Variants in CTDP1 observed in about 807,000 individuals in gnomAD.
CTDP1 encodes RNA polymerase II subunit A C-terminal domain phosphatase.
CTDP1 carries 47 observed loss-of-function variants against 91.8 expected under a neutral mutation model. The ratio of observed to expected loss-of-function variants is 0.51; its 90% CI spans 0.41 to 0.65. CTDP1 has a LOEUF of 0.65. Among genes scored for constraint, CTDP1 ranks in the 30% least tolerant of loss-of-function variants. The pLI is 0.00. For missense variants in CTDP1, 1,272 were observed against 1,373.7 expected (o/e 0.93, Z 1.17); for synonymous variants, 656 against 598.5 (o/e 1.10, Z -1.40).
chr18:79,714,427 T>G, intron 7 of CTDP1, 64 bp from the exon 8 acceptor site: 1 of 1,577,124 alleles, frequency 6.3e-7, no homozygotes, highest in East Asian at 2.2e-5. Flanking sequence ...CTGCTTTAAC[T>G]TGGAACGTTA....
intron 12 of CTDP1, among the ~76,000 whole-genome samples, chr18:79,749,216 A>G (rs953532782): frequency 2.0e-5 from 3 of 152,192 alleles, no homozygotes; most frequent in Middle Eastern, 3.4e-3. Context: ...AAAGAAAAGA[A>G]TTGTTGGAAC....
chr18:79,712,137 G>C (rs998288940), intron 6 of CTDP1, among the ~76,000 whole-genome samples: 5 of 152,220 alleles, frequency 3.3e-5, no homozygotes, highest in Admixed American at 6.5e-5. Context: ...GGTGCTGTTA[G>C]TGTGTTACAG....
intron 10 of CTDP1, among the ~76,000 whole-genome samples, chr18:79,719,879 A>C (rs976559571): frequency 3.7e-5 from 5 of 134,686 alleles, no homozygotes; most frequent in African/African-American, 8.6e-5. Context: ...TCCCATTAGG[A>C]AGGTGTCCTG....
At position 79,685,014 on chromosome 18, in the gene CTDP1, AGG is replaced by A. The variant is rs1231077043; in HGVS notation, c.314+4755_314+4756del. Among the ~76,000 whole-genome samples, 225 of 151,334 alleles carry A rather than the reference AGG, an allele frequency of 1.5e-3. 10 individuals carry two copies. Among genetic ancestry groups the A allele is most frequent in the African/African-American group, 4.8e-3 (197 of 40,992 alleles). On this transcript the variant is annotated intron_variant, in intron 1 of 12. Coordinates refer to ENST00000613122, the MANE Select transcript of CTDP1 (RefSeq NM_004715.5). ...GAGGTCCTGGTGAGGAGGACGGTGC[AGG>A]GACCTCGTGGTCTCTACTCCCAGTT... is the stretch of plus-strand genomic sequence containing the variant.
chr18:79,680,412 A>C (rs2085336889), intron 1 of CTDP1, 151 bp downstream of exon 1: 4 of 581,878 alleles, frequency 6.9e-6, no homozygotes, highest in Admixed American at 9.0e-5. Flanking sequence ...CTCCCCTAAA[A>C]CTGGATAGTC....
intron 5 of CTDP1, 80 bp from the exon 6 acceptor site, chr18:79,710,266 A>T (rs978181884): frequency 2.6e-6 from 3 of 1,148,584 alleles, no homozygotes; most frequent in African/African-American, 3.0e-5. Context: ...CTTTAAAAAA[A>T]ACATTCAAGG....
intron 1 of CTDP1, 54 bp downstream of exon 1, chr18:79,680,315 C>T (rs2085333767): frequency 4.9e-6 from 6 of 1,224,028 alleles, no homozygotes; most frequent in East Asian, 3.2e-5. Flanking sequence ...GGGAGGGATC[C>T]TGGAGGACCC....
At position 79,714,999 on chromosome 18, in the gene CTDP1, C is replaced by A. The variant is rs1450978934; in HGVS notation, c.1539C>A (p.Leu513=). The A allele has an allele frequency of 3.2e-6, 5 of 1,585,128 alleles. No individual in the cohort carries two copies. Among genetic ancestry groups the A allele is most frequent in the East Asian group, 2.3e-5 (1 of 43,838 alleles). Residue 513 remains leucine (L), a synonymous_variant, in exon 8 of 13, where the codon CTC becomes CTA. Coordinates refer to ENST00000613122, the MANE Select transcript of CTDP1 (RefSeq NM_004715.5). ...CGGGGCGGCCTGCAGCACCGAGTCTCCCCGGAGAGGCCGAGCCTGGCGCGC... is the reference window on the plus strand; with the variant it reads ...CGGGGCGGCCTGCAGCACCGAGTCTACCCGGAGAGGCCGAGCCTGGCGCGC... ...LEPGRPAAPS[L]PGEAEPGAHA... is the part of the protein sequence containing the mutation.
rs186680542 is a variant in CTDP1 at position 79,702,562 on chromosome 18, C to T, written c.622-2205C>T. On this transcript the variant is annotated intron_variant, in intron 4 of 12. Transcript: ENST00000613122. ...TTAATTTTTATATTTTTAGTAGAGA[C>T]GGGGTTGTGCCATATTGGCCAGGCT... is the stretch of plus-strand genomic sequence containing the variant. Among the ~76,000 whole-genome samples, 109 of 152,136 alleles carry T rather than the reference C, an allele frequency of 7.2e-4. 1 individual carries two copies. The East Asian group carries it at 0.018, about 25-fold the overall frequency.
At chr18:79,738,400 G>C (rs898256074) in intron 12 of CTDP1, among the ~76,000 whole-genome samples, 2 of 152,204 alleles carry the variant, frequency 1.3e-5, no homozygotes, top group African/African-American at 4.8e-5. Flanking sequence ...CTGCTGCGGG[G>C]CCGTGGGCCG....
intron 10 of CTDP1, among the ~76,000 whole-genome samples, chr18:79,718,814 C>T (rs72999411): frequency 0.12 from 18,157 of 152,098 alleles, 1,513 homozygotes; most frequent in Non-Finnish European, 0.19. Flanking sequence ...ACCTGGTGTG[C>T]GTTTGCCCCT....
chr18:79,742,422 A>G (rs942157817), intron 12 of CTDP1, among the ~76,000 whole-genome samples: 26 of 152,216 alleles, frequency 1.7e-4, no homozygotes, highest in African/African-American at 6.3e-4. Context: ...ATCCAGCAAA[A>G]CAACCTTTCA....
intron 10 of CTDP1, among the ~76,000 whole-genome samples, chr18:79,720,815 C>T (rs909927122): frequency 6.6e-6 from 1 of 152,170 alleles, no homozygotes; most frequent in Non-Finnish European, 1.5e-5. Flanking sequence ...TCTAGGGGCT[C>T]AGTCCCACCA....
Position 79,679,825 on chromosome 18 carries a change from G to T in CTDP1, c.-123G>T, listed in dbSNP as rs932193481. On this transcript the variant is annotated 5_prime_UTR_variant, in exon 1 of 13. Coordinates refer to ENST00000613122, the MANE Select transcript of CTDP1 (RefSeq NM_004715.5). The stretch of plus-strand genomic sequence containing the variant: ...AGGAAGTCGGCGCGGGCTAGGCGAC[G>T]GGTGGAAGCCGGTACCGAGAGGAAC... 5.2e-6 allele frequency: 5 copies of T among 969,716 alleles called. No homozygotes were observed. The Admixed American group carries it at 1.3e-4, about 25-fold the overall frequency. The allele number at this position is 969,716 out of a possible 1,614,324, so 60.1% of individuals were successfully genotyped here.
At chr18:79,718,803 G>T (rs1425365302) in intron 10 of CTDP1, among the ~76,000 whole-genome samples, 5 of 152,234 alleles carry the variant, frequency 3.3e-5, no homozygotes, top group South Asian at 2.1e-4. Flanking sequence ...CACCCACCAA[G>T]ACCTGGTGTG....
intron 10 of CTDP1, among the ~76,000 whole-genome samples, chr18:79,725,992 A>C (rs2086437157): frequency 6.6e-6 from 1 of 151,992 alleles, no homozygotes; most frequent in African/African-American, 2.4e-5. Flanking sequence ...CCTGGTGTAG[A>C]TTTGGAGGGT....
Position 79,697,843 on chromosome 18 carries a change from T to C in CTDP1, c.493-17T>C. The stretch of plus-strand genomic sequence containing the variant: ...AACATACTGACTTTGTCATTTCTTG[T>C]TTCTTTTTAATTGTAGCAAGCTGAA... On this transcript the variant is annotated splice_polypyrimidine_tract_variant and intron_variant, in intron 3 of 12. Transcript: ENST00000613122. 6.2e-7 allele frequency: 1 copy of C among 1,614,154 alleles called. No individual in the cohort carries two copies. The highest frequency in any genetic ancestry group is 8.5e-7 in the Non-Finnish European group (1 of 1,180,024).
At chr18:79,715,643 A>G in intron 8 of CTDP1, 115 bp downstream of exon 8, 5 of 1,125,186 alleles carry the variant, frequency 4.4e-6, no homozygotes, top group Non-Finnish European at 6.2e-6. Context: ...AACATTTCCC[A>G]GAATCACCAT....
chr18:79,697,667 T>C lies in CTDP1; in HGVS notation c.493-193T>C, dbSNP rs542164088. On this transcript the variant is annotated intron_variant, in intron 3 of 12. Transcript: ENST00000613122. ...TGTATTTAACTGAATTATAAAATTG[T>C]GGTCACAAGCGAGGTTGCCGTGACC... 2.0e-5 allele frequency among the ~76,000 whole-genome samples: 3 copies of C among 152,354 alleles called. No homozygotes were observed. In the East Asian group the frequency reaches 5.8e-4, roughly 29 times the overall value.
Sources: gnomAD v4.1 joint callset for allele counts (sites outside exome capture counted in the v4.1 genomes callset) on GRCh38, gnomAD v4.1.1 for gene constraint, MANE v1.5 for transcripts, NCBI Gene and HGNC (gene_info 2026-07-23, HGNC 2026-07-21) for gene names.